Variants in CSMD3 observed in about 807,000 individuals in gnomAD.
CSMD3 encodes the protein CUB and sushi domain-containing protein 3.
Under a neutral mutation model 435.2 loss-of-function variants are expected in CSMD3, and 177 were observed. The ratio of observed to expected loss-of-function variants is 0.41; its 90% confidence interval spans 0.36 to 0.46. The LOEUF is 0.46. Among genes scored for constraint, CSMD3 ranks in the 20% least tolerant of loss-of-function variants. The pLI is 0.34. For missense variants in CSMD3, 4,265 were observed against 4,504.6 expected, an observed-to-expected ratio of 0.95 and a Z score of 1.52; for synonymous variants, 1,656 against 1,520.5, an observed-to-expected ratio of 1.09 and a Z score of -2.07.
rs913144410 is a variant in CSMD3 at position 112,947,802 on chromosome 8, C to T, written c.1496G>A (p.Gly499Glu). 1 of 1,388,830 alleles carries T rather than the reference C, an allele frequency of 7.2e-7. No individual in the cohort carries two copies. Among genetic ancestry groups the T allele is most frequent in the Middle Eastern group, 1.8e-4 (1 of 5,642 alleles). The allele number at this position is 1,388,830 out of a possible 1,614,324, so 86.0% of individuals were successfully genotyped here. A position where few individuals can be genotyped will look rare whatever the true frequency, so the allele number is the denominator to read the frequency against. The change falls in exon 9 of 71, where the codon GGA becomes GAA. Residue 499 changes from glycine to glutamate, a missense_variant. This residue lies in a region of CSMD3 where 731 missense variants were observed against 755.4 expected (regional missense o/e 0.97). Transcript: ENST00000297405. The part of the protein sequence containing the change: ...PGEPENGKRI[G>E]SDFSLGSTVQ... ...TTTAAAATATTACCTAAAATCTGAT[C>T]CGATTCTCTTCCCATTTTCTGGTTC...
At chr8:113,414,015 A>G (rs2094570834) in intron 1 of CSMD3, among the ~76,000 whole-genome samples, 1 of 152,164 alleles carries the variant, frequency 6.6e-6, no homozygotes, top group Non-Finnish European at 1.5e-5. Context: ...ACGAAATAGG[A>G]GACAGTAACA....
chr8:113,313,887 A>G (rs2093889580), intron 2 of CSMD3: 3 of 152,174 alleles, frequency 2.0e-5, no homozygotes, highest in Admixed American at 2.0e-4. Flanking sequence ...TACAACTAAA[A>G]TAAGTTTCTG....
intron 32 of CSMD3, among the ~76,000 whole-genome samples, chr8:112,447,071 C>A (rs1465660156): frequency 6.6e-6 from 1 of 152,006 alleles, no homozygotes; most frequent in Non-Finnish European, 1.5e-5. Flanking sequence ...CCCTACTGAT[C>A]ATTTTAAAAA....
chr8:112,544,141 C>T (rs1037045254), intron 27 of CSMD3, among the ~76,000 whole-genome samples: 5 of 152,078 alleles, frequency 3.3e-5, no homozygotes, highest in Non-Finnish European at 5.9e-5. Flanking sequence ...GCTTTAGGGA[C>T]CTGCTATATA....
At chr8:113,339,480 A>G (rs1031162228) in intron 1 of CSMD3, among the ~76,000 whole-genome samples, 3 of 152,014 alleles carry the variant, frequency 2.0e-5, no homozygotes, top group African/African-American at 7.2e-5. Context: ...TCTTCAGAAG[A>G]GGACAATTTT....
chr8:112,699,846 A>G (rs1243190153), intron 13 of CSMD3, among the ~76,000 whole-genome samples: 1 of 152,202 alleles, frequency 6.6e-6, no homozygotes, highest in African/African-American at 2.4e-5. Flanking sequence ...CAAGGTCATG[A>G]CAGATAGGGA....
intron 10 of CSMD3, among the ~76,000 whole-genome samples, chr8:112,920,902 C>CATAT (rs146558665): frequency 8.8e-5 from 10 of 113,748 alleles, no homozygotes; most frequent in Non-Finnish European, 1.7e-4. Context: ...AATATTTTGC[C>CATAT]ATATATATAT....
intron 10 of CSMD3, among the ~76,000 whole-genome samples, chr8:112,903,769 C>A (rs1437782648): frequency 1.3e-5 from 2 of 151,258 alleles, no homozygotes; most frequent in Non-Finnish European, 3.0e-5. Context: ...GGAAATGACT[C>A]AAACTTCTAC....
intron 13 of CSMD3, among the ~76,000 whole-genome samples, chr8:112,755,909 GTTTTATTTTATTTTA>G (rs139913436): frequency 1.3e-5 from 2 of 149,036 alleles, no homozygotes; most frequent in Non-Finnish European, 3.0e-5. Context: ...ATTTTATTTA[GTTTTATTTTATTTTA>G]TTTTATTTTA....
chr8:112,616,391 T>C (rs558492396), intron 22 of CSMD3, among the ~76,000 whole-genome samples: 62 of 152,260 alleles, frequency 4.1e-4, no homozygotes, highest in East Asian at 3.7e-3. Context: ...GAAAGTTACA[T>C]ATATTGTGAT....
At chr8:112,905,370 G>A (rs1213924091) in intron 10 of CSMD3, among the ~76,000 whole-genome samples, 2 of 150,660 alleles carry the variant, frequency 1.3e-5, no homozygotes, top group Non-Finnish European at 3.0e-5. Context: ...TGTTATGGAT[G>A]TTAGGGGTGG....
At chr8:112,384,824 C>T (rs1829793663) in intron 36 of CSMD3, among the ~76,000 whole-genome samples, 1 of 152,182 alleles carries the variant, frequency 6.6e-6, no homozygotes, top group South Asian at 2.1e-4. Flanking sequence ...GTATAACCGC[C>T]ACCTCCTTAA....
intron 3 of CSMD3, among the ~76,000 whole-genome samples, chr8:113,193,804 G>T (rs138337300): frequency 2.8e-4 from 42 of 151,352 alleles, no homozygotes; most frequent in South Asian, 8.3e-4. Flanking sequence ...AAATCTAAAA[G>T]AATTATTTCT....
chr8:113,246,475 C>T lies in CSMD3; in HGVS notation c.514+32117G>A, dbSNP rs114006680. 3.1e-3 allele frequency among the ~76,000 whole-genome samples: 477 copies of T among 152,152 alleles called. 2 individuals are homozygous for T. Among genetic ancestry groups the T allele is most frequent in the African/African-American group, 9.6e-3 (401 of 41,558 alleles). ...CTAATATTCAGTGTGCAATCATTCT[C>T]GTTCTTCCACTTAATTCTTTAGATA... On this transcript the variant is annotated intron_variant, in intron 3 of 70. Transcript: ENST00000297405.
chr8:113,156,831 T>G (rs985649679), intron 4 of CSMD3, among the ~76,000 whole-genome samples: 6 of 151,680 alleles, frequency 4.0e-5, no homozygotes, highest in African/African-American at 1.5e-4. Flanking sequence ...TTCGGGAGGC[T>G]GAGGTGGGAG....
intron 1 of CSMD3, among the ~76,000 whole-genome samples, chr8:113,415,859 T>G (rs1218611668): frequency 1.3e-5 from 2 of 152,234 alleles, no homozygotes; most frequent in East Asian, 3.9e-4. Context: ...TAGTAAACTC[T>G]TTAAGCTGCC....
chr8:112,571,865 G>C (rs1329460929), intron 24 of CSMD3, among the ~76,000 whole-genome samples: 2 of 142,986 alleles, frequency 1.4e-5, no homozygotes, highest in East Asian at 4.2e-4. Context: ...CTGAAACTCT[G>C]TCTCAAATAA....
chr8:113,192,930 G>T (rs1252527123), intron 3 of CSMD3, among the ~76,000 whole-genome samples: 1 of 151,550 alleles, frequency 6.6e-6, no homozygotes. Context: ...CTGAATAAAT[G>T]TTCTGAGTAC....
chr8:112,638,601 A>C lies in CSMD3; in HGVS notation c.3526+95T>G. The C allele has an allele frequency of 6.4e-6, 5 of 785,760 alleles. No individual in the cohort carries two copies. In the South Asian group the frequency reaches 7.6e-5, roughly 12 times the overall value. The allele number at this position is 785,760 out of a possible 1,614,324, so 48.7% of individuals were successfully genotyped here. ...TTTAAAATTTTTCTTCTCTCCAGCTATTTTTCACTGTTTTATCATCAGTTA... is the reference window on the plus strand; with the variant it reads ...TTTAAAATTTTTCTTCTCTCCAGCTCTTTTTCACTGTTTTATCATCAGTTA... On this transcript the variant is annotated intron_variant, in intron 21 of 70. Transcript: ENST00000297405.
Sources: gnomAD v4.1 joint callset for allele counts (sites outside exome capture counted in the v4.1 genomes callset) on GRCh38, gnomAD v4.1.1 for gene constraint, gnomAD v4.1.1 regional missense constraint, MANE v1.5 for transcripts, NCBI Gene and HGNC (gene_info 2026-07-23, HGNC 2026-07-21) for gene names.